TIA1: variants seen among roughly 807,000 people sequenced by gnomAD.
TIA1 encodes the protein cytotoxic granule associated RNA binding protein TIA1.
In TIA1, 23 loss-of-function variants were observed where a neutral mutation model predicts 65.9. The observed-to-expected ratio is 0.35, with a 90% CI of 0.25 to 0.49. The LOEUF is 0.49. Ranked by LOEUF, TIA1 falls within the 20% of genes least tolerant of loss-of-function variation. The pLI is 0.98. For synonymous variants in TIA1, 147 were observed against 149.4 expected, an observed-to-expected ratio of 0.98 and a Z score of 0.12; for missense variants, 371 against 477.9, an observed-to-expected ratio of 0.78 and a Z score of 2.09.
rs1676577055 is a variant in TIA1, at chr2:70,211,890, A to G, written c.*829T>C. 1 of 152,546 alleles carries G rather than the reference A, an allele frequency of 6.6e-6. No individual in the cohort carries two copies. Among genetic ancestry groups the G allele is most frequent in the African/African-American group, 2.4e-5 (1 of 41,464 alleles). 9.4% of individuals were successfully genotyped at this position (152,546 alleles called of 1,614,324 possible). The stretch of plus-strand genomic sequence containing the variant: ...ACACATGAAATTAACATGGCATAAG[A>G]ACTTATCACATTTCAGATATTTTCT... On this transcript the variant is annotated 3_prime_UTR_variant, in exon 13 of 13. Coordinates refer to ENST00000433529, the MANE Select transcript of TIA1 (RefSeq NM_022173.4).
At chr2:70,215,779 G>C in intron 10 of TIA1, 1 of 333,384 alleles carries the variant, frequency 3.0e-6, no homozygotes, top group East Asian at 7.7e-5. Context: ...ATGGTGTCTG[G>C]CTCTGTTGCC....
Position 70,236,114 on chromosome 2 carries a change from T to G in TIA1, c.88A>C (p.Ile30Leu). The change falls in exon 2 of 13, where the codon ATT becomes CTT. Residue 30 changes from isoleucine (I) to leucine (L), a missense_variant. By Grantham distance (5) the Ile-to-Leu change is conservative. Coordinates refer to ENST00000433529, the MANE Select transcript of TIA1 (RefSeq NM_022173.4). ...ATTTTGCAGTTTTTACAAGGTCCAA[T>G]CTGGCTAAAGAGTTGCAGAATTAGA... Reference protein sequence around the residue: ...EALILQLFSQIGPCKNCKMIM... With the variant: ...EALILQLFSQLGPCKNCKMIM... 6.2e-7 allele frequency: 1 copy of G among 1,612,360 alleles called. No homozygotes were observed. Among genetic ancestry groups the G allele is most frequent in the Non-Finnish European group, 8.5e-7 (1 of 1,179,020 alleles).
chr2:70,217,153 C>T (rs1678957572), intron 7 of TIA1, 159 bp from the exon 8 acceptor site: 6 of 531,362 alleles, frequency 1.1e-5, no homozygotes, highest in Non-Finnish European at 1.5e-5. Context: ...TGCAATGGTG[C>T]TTTTTATATT....
At position 70,239,417 on chromosome 2, in the gene TIA1, T is replaced by C. The variant is rs188548698; in HGVS notation, c.27-3242A>G. 2.3e-3 allele frequency among the ~76,000 whole-genome samples: 345 copies of C among 152,266 alleles called. 2 individuals are homozygous for C. Among genetic ancestry groups the C allele is most frequent in the African/African-American group, 7.8e-3 (324 of 41,566 alleles). On this transcript the variant is annotated intron_variant, in intron 1 of 12. Coordinates refer to ENST00000433529, the MANE Select transcript of TIA1 (RefSeq NM_022173.4). ...AATAAAGGGTTTATAAATAAGTTTT[T>C]AAATGAGATTTTGAGATGAGATTAC...
At chr2:70,246,153 C>A (rs1334117854) in intron 1 of TIA1, among the ~76,000 whole-genome samples, 1 of 152,176 alleles carries the variant, frequency 6.6e-6, no homozygotes, top group East Asian at 1.9e-4. Context: ...TGAACTCCTG[C>A]CCTCAAGTGA....
rs558150760 is a variant in TIA1, at chr2:70,245,803, A to G, written c.26+2602T>C. 2.0e-5 allele frequency among the ~76,000 whole-genome samples: 3 copies of G among 152,330 alleles called. No homozygotes were observed. In the East Asian group the frequency reaches 5.8e-4, roughly 29 times the overall value. ...AGATGCCGAACACTCAGATGTAGCA[A>G]ATGAAGGAATTTCCAGTGAGCCATT... is the stretch of plus-strand genomic sequence containing the variant. On this transcript the variant is annotated intron_variant, in intron 1 of 12. Coordinates refer to ENST00000433529, the MANE Select transcript of TIA1 (RefSeq NM_022173.4).
intron 8 of TIA1, 173 bp downstream of exon 8, chr2:70,216,713 A>G: frequency 1.3e-6 from 2 of 1,498,630 alleles, no homozygotes; most frequent in Non-Finnish European, 1.8e-6. Context: ...TGACATTAGA[A>G]ATAATATTAT....
Position 70,212,183 on chromosome 2 carries a change from T to TAATTTATATTAAAAAACCCCA in TIA1, c.*515_*535dup, listed in dbSNP as rs2103807195. 6.5e-6 allele frequency: 1 copy of TAATTTATATTAAAAAACCCCA among 152,708 alleles called. No individual in the cohort carries two copies. The highest frequency in any genetic ancestry group is 1.5e-5 in the Non-Finnish European group (1 of 68,036). 9.5% of individuals were successfully genotyped at this position (152,708 alleles called of 1,614,324 possible). A position where few individuals can be genotyped will look rare whatever the true frequency, so the allele number is the denominator to read the frequency against. On this transcript the variant is annotated 3_prime_UTR_variant, in exon 13 of 13. Coordinates refer to ENST00000433529, the MANE Select transcript of TIA1 (RefSeq NM_022173.4). ...TAGATACAAAAATGATGTAAACTAA[T>TAATTTATATTAAAAAACCCCA]AATTTATATTAAAAAACCCCAAAGG...
At chr2:70,215,710 T>C (rs942993238) in intron 10 of TIA1, 2 of 484,500 alleles carry the variant, frequency 4.1e-6, no homozygotes, top group Non-Finnish European at 7.2e-6. Context: ...GAGGGAGCTA[T>C]AAAATCACAG....
intron 6 of TIA1, chr2:70,225,009 CTA>C: frequency 1.0e-6 from 1 of 993,942 alleles, no homozygotes; most frequent in Non-Finnish European, 1.2e-6. Flanking sequence ...TTATTTGACA[CTA>C]TATTCTACCT....
At position 70,229,188 on chromosome 2, in the gene TIA1, T is replaced by C. The variant is rs1293596859; in HGVS notation, c.277+76A>G. The stretch of plus-strand genomic sequence containing the variant: ...ATCAAAACATTACTGCAAACATGTA[T>C]GATGTTTATAGGCTTTACAATAAAA... On this transcript the variant is annotated intron_variant, in intron 4 of 12. Coordinates refer to ENST00000433529, the MANE Select transcript of TIA1 (RefSeq NM_022173.4). 5 of 1,587,774 alleles carry C rather than the reference T, an allele frequency of 3.1e-6. 1 individual carries two copies. In the African/African-American group the frequency reaches 6.7e-5, roughly 21 times the overall value.
chr2:70,212,797 T>A lies in TIA1; in HGVS notation c.1083A>T (p.Gln361His). The A allele has an allele frequency of 6.2e-7, 1 of 1,614,134 alleles. No individual in the cohort carries two copies. Among genetic ancestry groups the A allele is most frequent in the Non-Finnish European group, 8.5e-7 (1 of 1,179,992 alleles). The part of the protein sequence containing the change: ...APWMGPNYGV[Q>H]PPQGQNGSML... ...TGCTGCCATTTTGCCCTTGAGGCGG[T>A]TGCACTCCATAATTTGGTCCCATCC... is the stretch of plus-strand genomic sequence containing the variant. Residue 361 changes from glutamine (Q) to histidine (H), a missense_variant, in exon 13 of 13, where the codon CAA (glutamine) becomes CAT (histidine). Coordinates refer to ENST00000433529, the MANE Select transcript of TIA1 (RefSeq NM_022173.4).
chr2:70,224,382 C>G (rs541965518), intron 7 of TIA1, 172 bp downstream of exon 7: 12 of 817,954 alleles, frequency 1.5e-5, no homozygotes, highest in Admixed American at 2.7e-5. Flanking sequence ...ACTCTGCATG[C>G]CTCAGGTGCC....
At chr2:70,239,822 C>A (rs551840918) in intron 1 of TIA1, among the ~76,000 whole-genome samples, 1 of 152,330 alleles carries the variant, frequency 6.6e-6, no homozygotes, top group African/African-American at 2.4e-5. Context: ...GGAGTTATTA[C>A]TACACCAAGT....
chr2:70,225,424 G>A (rs1683383108), intron 6 of TIA1: 1 of 1,287,048 alleles, frequency 7.8e-7, no homozygotes, highest in East Asian at 5.6e-5. Context: ...TATTATTTGA[G>A]ATTGAGTAAA....
chr2:70,230,179 C>T (rs1470402491), intron 3 of TIA1, among the ~76,000 whole-genome samples: 1 of 144,880 alleles, frequency 6.9e-6, no homozygotes, highest in Non-Finnish European at 1.5e-5. Context: ...GAAGGCAGAG[C>T]TTGCAGTGAG....
Position 70,211,573 on chromosome 2 carries a change from A to C in TIA1, c.*1146T>G, listed in dbSNP as rs1337166422. On this transcript the variant is annotated 3_prime_UTR_variant, in exon 13 of 13. Coordinates refer to ENST00000433529, the MANE Select transcript of TIA1 (RefSeq NM_022173.4). Reference sequence around the variant, plus strand: ...GCTATCATTTGTACATATTAAGTTGATTCACTCTTTTTGAGCAAATCTACC... The same window carrying C: ...GCTATCATTTGTACATATTAAGTTGCTTCACTCTTTTTGAGCAAATCTACC... 6.6e-6 allele frequency: 1 copy of C among 152,478 alleles called. No homozygotes were observed. Among genetic ancestry groups the C allele is most frequent in the Non-Finnish European group, 1.5e-5 (1 of 68,038 alleles). The allele number at this position is 152,478 out of a possible 1,614,324, so 9.4% of individuals were successfully genotyped here.
Position 70,216,989 on chromosome 2 carries a change from A to G in TIA1, c.480T>C (p.Ala160=), listed in dbSNP as rs2103955179. ...CACCCATCTGTTGAATGGCGTTTTC[A>G]GCATCCTGTTCCGTACAACATTAGA... ...GFVSFFNKWD[A]ENAIQQMGGQ... The change falls in exon 8 of 13, where the codon GCT becomes GCC. Residue 160 remains alanine, a synonymous_variant. Coordinates refer to ENST00000433529, the MANE Select transcript of TIA1 (RefSeq NM_022173.4). 6.2e-7 allele frequency: 1 copy of G among 1,613,374 alleles called. No homozygotes were observed. Among genetic ancestry groups the G allele is most frequent in the Non-Finnish European group, 8.5e-7 (1 of 1,179,730 alleles).
chr2:70,226,429 T>A (rs183556925), intron 6 of TIA1, among the ~76,000 whole-genome samples: 1 of 152,232 alleles, frequency 6.6e-6, no homozygotes, highest in East Asian at 1.9e-4. Context: ...TGTTAGAAAA[T>A]TTTTTCTTCT....
Sources: gnomAD v4.1 joint callset for allele counts (sites outside exome capture counted in the v4.1 genomes callset) on GRCh38, gnomAD v4.1.1 for gene constraint, MANE v1.5 for transcripts, NCBI Gene and HGNC (gene_info 2026-07-23, HGNC 2026-07-21) for gene names.